DOCK9: variants seen among roughly 807,000 people sequenced by gnomAD.
DOCK9 encodes the protein dedicator of cytokinesis protein 9.
In DOCK9, 89 loss-of-function variants were observed where a neutral mutation model predicts 263.3. The observed-to-expected ratio is 0.34, with a 90% CI of 0.28 to 0.40. The LOEUF is 0.40. Ranked by LOEUF, DOCK9 falls within the 10% of genes least tolerant of loss-of-function variation. The pLI, the probability that DOCK9 is intolerant of heterozygous loss-of-function variation, is 1.00. For missense variants in DOCK9, 2,140 were observed against 2,603.4 expected (o/e 0.82, Z 3.87); for synonymous variants, 976 against 973.1 (o/e 1.00, Z -0.06).
intron 33 of DOCK9, chr13:98,860,084 T>A: frequency 1.0e-4 from 69 of 664,018 alleles, no homozygotes; most frequent in Middle Eastern, 1.1e-3. Context: ...CCCCACCACC[T>A]GCAAAAATAT....
At chr13:98,809,804 A>C (rs2091129733) in intron 46 of DOCK9, among the ~76,000 whole-genome samples, 1 of 152,218 alleles carries the variant, frequency 6.6e-6, no homozygotes. Context: ...ATGACCTCCC[A>C]AGCCCAGGAT....
intron 1 of DOCK9, among the ~76,000 whole-genome samples, chr13:99,039,030 C>T (rs185882842): frequency 6.6e-6 from 1 of 152,310 alleles, no homozygotes; most frequent in African/African-American, 2.4e-5. Flanking sequence ...CGCCTACTTT[C>T]CTAGAGAATT....
At chr13:98,884,091 G>C (rs375123412) in intron 21 of DOCK9, among the ~76,000 whole-genome samples, 192 bp from the exon 22 acceptor site, 11 of 152,218 alleles carry the variant, frequency 7.2e-5, no homozygotes, top group East Asian at 3.8e-4. Flanking sequence ...CCAAAGTACA[G>C]TGCTTTTATT....
chr13:99,036,062 T>G (rs1455359556), intron 1 of DOCK9, among the ~76,000 whole-genome samples: 1 of 152,200 alleles, frequency 6.6e-6, no homozygotes, highest in Non-Finnish European at 1.5e-5. Context: ...AGCCTCGCAA[T>G]TTTGGACTTT....
intron 1 of DOCK9, among the ~76,000 whole-genome samples, chr13:99,051,006 A>C (rs957697690): frequency 6.6e-6 from 1 of 152,216 alleles, no homozygotes; most frequent in Non-Finnish European, 1.5e-5. Context: ...ACTCAGTGGG[A>C]GACTTCCTCT....
Position 98,825,898 on chromosome 13 carries a change from C to T in DOCK9, c.5023+932G>A. On this transcript the variant is annotated intron_variant, in intron 44 of 52. Coordinates refer to ENST00000682017, the MANE Select transcript of DOCK9 (RefSeq NM_001366683.2). This position sits in a 1 kb window ranked among gnomAD's most constrained non-coding sequence, Gnocchi z 4.1. ...TCCCCGGCTCCTCCTCAGGCAGGCG[C>T]TATGGCTGTGGGGGAGAAGGGGCGG... is the stretch of plus-strand genomic sequence containing the variant. The T allele has an allele frequency of 6.4e-7, 1 of 1,552,816 alleles. No homozygotes were observed. The highest frequency in any genetic ancestry group is 8.7e-7 in the Non-Finnish European group (1 of 1,148,094).
chr13:98,886,911 T>G (rs1391791630), intron 18 of DOCK9, among the ~76,000 whole-genome samples: 1 of 152,058 alleles, frequency 6.6e-6, no homozygotes, highest in Non-Finnish European at 1.5e-5. Context: ...GCAATTCTTC[T>G]GTCCAAATAA....
chr13:98,799,754 G>T (rs755333984), intron 50 of DOCK9, among the ~76,000 whole-genome samples: 5 of 152,092 alleles, frequency 3.3e-5, no homozygotes, highest in Non-Finnish European at 5.9e-5. Flanking sequence ...GGAAAACCTA[G>T]GAGAACATCT....
chr13:98,822,792 A>G (rs546938712), intron 45 of DOCK9, among the ~76,000 whole-genome samples: 3 of 152,346 alleles, frequency 2.0e-5, no homozygotes, highest in Non-Finnish European at 4.4e-5. Context: ...GGATACCTAG[A>G]AAACTTTATT....
rs1314445056 is a variant in DOCK9, at chr13:98,947,651, G to A, written c.243+7784C>T. Among the ~76,000 whole-genome samples, 14 of 151,502 alleles carry A rather than the reference G, an allele frequency of 9.2e-5. No homozygotes were observed. The East Asian group carries it at 1.2e-3, about 13-fold the overall frequency. On this transcript the variant is annotated intron_variant, in intron 2 of 52. Coordinates refer to ENST00000682017, the MANE Select transcript of DOCK9 (RefSeq NM_001366683.2). Reference sequence around the variant, plus strand: ...CTCCCAAGTAGCTGGGATTACAGGCGCCCGCCACTACGCCCAGATAATTTT... The same window carrying A: ...CTCCCAAGTAGCTGGGATTACAGGCACCCGCCACTACGCCCAGATAATTTT...
intron 45 of DOCK9, among the ~76,000 whole-genome samples, chr13:98,818,759 GC>G (rs1353054933): frequency 6.6e-6 from 1 of 151,980 alleles, no homozygotes; most frequent in African/African-American, 2.4e-5. Context: ...AATTATCCAG[GC>G]CCATTTTAGT....
chr13:99,039,979 T>G (rs1888299358), intron 1 of DOCK9, among the ~76,000 whole-genome samples: 1 of 152,220 alleles, frequency 6.6e-6, no homozygotes, highest in Admixed American at 6.5e-5. Context: ...TATTAACTAA[T>G]GTGAGCTATT....
Position 98,977,138 on chromosome 13 carries a change from C to T in DOCK9, c.126+646G>A, listed in dbSNP as rs80162200. On this transcript the variant is annotated intron_variant, in intron 1 of 52. Coordinates refer to ENST00000682017, the MANE Select transcript of DOCK9 (RefSeq NM_001366683.2). ...CTACTCACTGATGATAACAACACAA[C>T]CATTTTTCACATTCCTCCCCTCCAA... Among the ~76,000 whole-genome samples, 5 of 152,282 alleles carry T rather than the reference C, an allele frequency of 3.3e-5. No individual in the cohort carries two copies. In the East Asian group the frequency reaches 9.6e-4, roughly 29 times the overall value.
chr13:99,082,926 C>T (rs1350483069), intron 1 of DOCK9, among the ~76,000 whole-genome samples: 4 of 152,148 alleles, frequency 2.6e-5, no homozygotes, highest in Admixed American at 6.5e-5. Flanking sequence ...GATTAAAACC[C>T]AGAAGTCCTG....
At chr13:99,079,658 G>A (rs2042049716) in intron 1 of DOCK9, among the ~76,000 whole-genome samples, 2 of 152,310 alleles carry the variant, frequency 1.3e-5, no homozygotes, top group East Asian at 1.9e-4. Flanking sequence ...TATGTTGCTC[G>A]AAGTCCTCAG....
At chr13:98,863,975 T>A (rs569269975) in intron 30 of DOCK9, among the ~76,000 whole-genome samples, 1 of 152,212 alleles carries the variant, frequency 6.6e-6, no homozygotes, top group South Asian at 2.1e-4. Context: ...TGTAATTAAA[T>A]AATAAACATA....
intron 1 of DOCK9, among the ~76,000 whole-genome samples, chr13:99,051,102 C>A (rs888548330): frequency 6.6e-6 from 1 of 152,184 alleles, no homozygotes; most frequent in Non-Finnish European, 1.5e-5. Context: ...GTGCGAGCCA[C>A]TGTGTTCTGT....
At chr13:98,831,932 A>ACAG in intron 39 of DOCK9, 146 bp from the exon 40 acceptor site, 1 of 981,000 alleles carries the variant, frequency 1.0e-6, no homozygotes, top group Admixed American at 2.8e-5. Context: ...CTAGGAAAGT[A>ACAG]CAGAATTCTT....
Position 99,046,091 on chromosome 13 carries a change from A to G in DOCK9, c.129+40132T>C, listed in dbSNP as rs549477783. On this transcript the variant is annotated intron_variant, in intron 1 of 32. Transcript: ENST00000427887. ...ACTCCAGCCTGGGTGACAGAGTGAGACTCAGTCTCAAAAAAAAAAAAAAAC... is the reference window on the plus strand; with the variant it reads ...ACTCCAGCCTGGGTGACAGAGTGAGGCTCAGTCTCAAAAAAAAAAAAAAAC... Among the ~76,000 whole-genome samples the G allele has an allele frequency of 1.0e-3, 148 of 143,310 alleles. 1 individual carries two copies. The highest frequency in any genetic ancestry group is 3.5e-3 in the African/African-American group (136 of 38,706). 94.0% of individuals were successfully genotyped at this position (143,310 alleles called of 152,430 possible).
Sources: gnomAD v4.1 joint callset for allele counts (sites outside exome capture counted in the v4.1 genomes callset) on GRCh38, gnomAD v4.1.1 for gene constraint, Gnocchi (gnomAD v3.1) non-coding constraint, MANE v1.5 for transcripts, NCBI Gene and HGNC (gene_info 2026-07-23, HGNC 2026-07-21) for gene names.